Variants in CAPN3 observed in about 807,000 individuals in gnomAD.
CAPN3 encodes the protein calpain 3, also known as calpain-3.
A neutral mutation model predicts 114.0 loss-of-function variants in CAPN3; 88 were observed. The observed-to-expected ratio is 0.77, with a 90% CI of 0.65 to 0.92. The LOEUF (loss-of-function observed/expected upper bound fraction) is 0.92. Among genes scored for constraint, CAPN3 ranks in the 40% least tolerant of loss-of-function variants. CAPN3 has a pLI of 0.00. For synonymous variants in CAPN3, 386 were observed against 382.9 expected, an observed-to-expected ratio of 1.01 and a Z score of -0.09; for missense variants, 1,028 against 1,069.0, an observed-to-expected ratio of 0.96 and a Z score of 0.53.
chr15:42,373,858 T>C (rs546108381), intron 1 of CAPN3, among the ~76,000 whole-genome samples: 1 of 152,310 alleles, frequency 6.6e-6, no homozygotes, highest in East Asian at 1.9e-4. Context: ...TTCAGTAGCC[T>C]GTATAGGATT....
chr15:42,363,448 G>A (rs908719553), intron 1 of CAPN3, among the ~76,000 whole-genome samples: 70 of 152,262 alleles, frequency 4.6e-4, no homozygotes, highest in African/African-American at 1.7e-3. Flanking sequence ...CATTCCATGG[G>A]GTGGAAGGTT....
Position 42,389,998 on chromosome 15 carries a change from A to G in CAPN3, c.847A>G (p.Met283Val), listed in dbSNP as rs756786521. 1.4e-5 allele frequency: 22 copies of G among 1,614,028 alleles called. No homozygotes were observed. Among genetic ancestry groups the G allele is most frequent in the Non-Finnish European group, 1.8e-5 (21 of 1,179,978 alleles). ...TGGAACCTCTCCTTCTGGTCTGAAC[A>G]TGGGGGAGTTGATTGCACGGATGGT... is the stretch of plus-strand genomic sequence containing the variant. ...TYGTSPSGLN[M>V]GELIARMVRN... Residue 283 changes from methionine (M) to valine (V), a missense_variant, in exon 6 of 24, where the codon ATG becomes GTG. Coordinates refer to ENST00000397163, the MANE Select transcript of CAPN3 (RefSeq NM_000070.3).
Position 42,359,714 on chromosome 15 carries a change from A to G in CAPN3, c.-92A>G. On this transcript the variant is annotated 5_prime_UTR_variant, in exon 1 of 24. Coordinates refer to ENST00000397163, the MANE Select transcript of CAPN3 (RefSeq NM_000070.3). Reference sequence around the variant, plus strand: ...CACTTTTCTCTCAGATGACAGAATTACTCCAACTTCCCCTTTGCAGTTGCT... The same window carrying G: ...CACTTTTCTCTCAGATGACAGAATTGCTCCAACTTCCCCTTTGCAGTTGCT... 6.3e-7 allele frequency: 1 copy of G among 1,595,938 alleles called. No individual in the cohort carries two copies. Among genetic ancestry groups the G allele is most frequent in the Admixed American group, 1.8e-5 (1 of 56,722 alleles).
intron 22 of CAPN3, 23 bp from the exon 23 acceptor site, chr15:42,411,264 C>G: frequency 6.2e-7 from 1 of 1,610,820 alleles, no homozygotes; most frequent in Non-Finnish European, 8.5e-7. Flanking sequence ...TAACTGGCCT[C>G]TGGCCTGTGC....
chr15:42,361,978 T>G lies in CAPN3; in HGVS notation c.309+1864T>G, dbSNP rs955568003. 2.0e-5 allele frequency among the ~76,000 whole-genome samples: 3 copies of G among 152,248 alleles called. No homozygotes were observed. In the South Asian group the frequency reaches 6.2e-4, roughly 31 times the overall value. On this transcript the variant is annotated intron_variant, in intron 1 of 23. Transcript: ENST00000397163. ...TCACTGAGAGCAGAAATCCTTCCTGTTCATCTTTGAGGCCCCCTCACCAAG... is the reference window on the plus strand; with the variant it reads ...TCACTGAGAGCAGAAATCCTTCCTGGTCATCTTTGAGGCCCCCTCACCAAG...
chr15:42,405,035 C>T (rs2053979029), intron 14 of CAPN3: 1 of 986,278 alleles, frequency 1.0e-6, no homozygotes, highest in African/African-American at 1.7e-5. Flanking sequence ...TGACATTTCG[C>T]TCCAGTGTCG....
chr15:42,383,663 T>TTAG (rs1396248578), intron 1 of CAPN3, among the ~76,000 whole-genome samples: 1 of 151,486 alleles, frequency 6.6e-6, no homozygotes, highest in African/African-American at 2.4e-5. Context: ...TATTAATTTA[T>TTAG]TATTATTATT....
intron 6 of CAPN3, 45 bp downstream of exon 6, chr15:42,390,141 A>C (rs1406456404): frequency 6.2e-7 from 1 of 1,610,980 alleles, no homozygotes. Flanking sequence ...CCTCCAACCC[A>C]CATGACCCCG....
intron 2 of CAPN3, among the ~76,000 whole-genome samples, chr15:42,384,784 G>T (rs1275645539): frequency 6.6e-6 from 1 of 152,140 alleles, no homozygotes; most frequent in African/African-American, 2.4e-5. Flanking sequence ...TCTGCATCCT[G>T]TGGCCTCCTC....
chr15:42,399,462 A>G (rs2053802625), intron 9 of CAPN3, 30 bp from the exon 10 acceptor site: 1 of 1,590,952 alleles, frequency 6.3e-7, no homozygotes, highest in African/African-American at 1.3e-5. Context: ...CTGCTCCCAT[A>G]TGGCTCTCTC....
intron 3 of CAPN3, 94 bp downstream of exon 3, chr15:42,386,379 C>T (rs1305033372): frequency 1.1e-6 from 1 of 878,394 alleles, no homozygotes; most frequent in African/African-American, 1.6e-5. Flanking sequence ...AGGAAACTTC[C>T]CACCCATCTA....
At chr15:42,377,303 AT>A (rs1227782784) in intron 1 of CAPN3, among the ~76,000 whole-genome samples, 16 of 152,126 alleles carry the variant, frequency 1.1e-4, no homozygotes, top group African/African-American at 3.9e-4. Flanking sequence ...AGCTGTTATT[AT>A]TTTTGAAAGT....
intron 1 of CAPN3, among the ~76,000 whole-genome samples, chr15:42,366,821 T>C (rs1395169019): frequency 7.4e-6 from 1 of 135,670 alleles, no homozygotes; most frequent in Non-Finnish European, 1.5e-5. Context: ...ACAGAATTCT[T>C]TTTTTTCTTT....
chr15:42,370,010 T>C (rs565634477), intron 1 of CAPN3, among the ~76,000 whole-genome samples: 4 of 152,054 alleles, frequency 2.6e-5, no homozygotes, highest in East Asian at 1.9e-4. Flanking sequence ...GTAGCTGAGA[T>C]TACAGGTGCC....
Position 42,389,121 on chromosome 15 carries a change from G to GT in CAPN3, c.801+25_801+26insT. ...TGTAAGTCTGGGGTGTGGGGCACAG[G>GT]GTGGGGAGCTCCAAGTGTCAGGAAG... On this transcript the variant is annotated intron_variant, in intron 5 of 23. Coordinates refer to ENST00000397163, the MANE Select transcript of CAPN3 (RefSeq NM_000070.3). The GT allele has an allele frequency of 4.3e-6, 7 of 1,611,922 alleles. No individual in the cohort carries two copies. The Admixed American group carries it at 1.0e-4, about 23-fold the overall frequency.
chr15:42,366,493 A>C (rs1458052572), intron 1 of CAPN3, among the ~76,000 whole-genome samples: 2 of 152,210 alleles, frequency 1.3e-5, no homozygotes, highest in Admixed American at 6.5e-5. Context: ...AATTATTGTC[A>C]AGTCTTTAAA....
intron 1 of CAPN3, among the ~76,000 whole-genome samples, chr15:42,368,651 AC>A (rs1396782422): frequency 6.6e-6 from 1 of 152,252 alleles, no homozygotes; most frequent in Non-Finnish European, 1.5e-5. Flanking sequence ...ATTTACTAAT[AC>A]AGTGTTCTCA....
chr15:42,408,659 G>C (rs2054099601), intron 16 of CAPN3: 1 of 375,402 alleles, frequency 2.7e-6, no homozygotes, highest in Non-Finnish European at 5.1e-6. Flanking sequence ...TGGTGGCCTT[G>C]AGCATTTCAC....
At chr15:42,406,032 C>A in intron 15 of CAPN3, 89 bp downstream of exon 15, 1 of 1,140,566 alleles carries the variant, frequency 8.8e-7, no homozygotes, top group Non-Finnish European at 1.3e-6. Context: ...AGCTCATATG[C>A]ATCCATGCAC....
Sources: gnomAD v4.1 joint callset for allele counts (sites outside exome capture counted in the v4.1 genomes callset) on GRCh38, gnomAD v4.1.1 for gene constraint, MANE v1.5 for transcripts, NCBI Gene and HGNC (gene_info 2026-07-23, HGNC 2026-07-21) for gene names.